MXI1: variants seen among roughly 807,000 people sequenced by gnomAD.
The protein encoded by MXI1 is MAX interactor 1, dimerization protein.
Under a neutral mutation model 36.9 loss-of-function variants are expected in MXI1, and 18 were observed. The ratio of observed to expected loss-of-function variants is 0.49; its 90% confidence interval spans 0.34 to 0.72. The LOEUF is 0.72. Ranked by LOEUF, MXI1 falls within the 30% of genes least tolerant of loss-of-function variation. The pLI, the probability that MXI1 is intolerant of heterozygous loss-of-function variation, is 0.01. For missense variants in MXI1, 304 were observed against 379.1 expected, an observed-to-expected ratio of 0.80 and a Z score of 1.64; for synonymous variants, 160 against 146.7, an observed-to-expected ratio of 1.09 and a Z score of -0.65.
At chr10:110,210,353 T>A in intron 1 of MXI1, 1 of 910,086 alleles carries the variant, frequency 1.1e-6, no homozygotes, top group Non-Finnish European at 1.3e-6. Flanking sequence ...GCCCCCCTCC[T>A]CCGGCCGGCT....
chr10:110,243,218 A>G (rs1354782381), intron 2 of MXI1, among the ~76,000 whole-genome samples: 1 of 152,120 alleles, frequency 6.6e-6, no homozygotes, highest in East Asian at 1.9e-4. Context: ...AGGATTTCTG[A>G]CTGTGCTTTT....
intron 1 of MXI1, chr10:110,226,261 GT>G (rs1232313171): frequency 6.0e-6 from 9 of 1,501,556 alleles, no homozygotes; most frequent in East Asian, 2.7e-5. Context: ...AGGCTGCCGA[GT>G]TTTTGGAGCG....
intron 3 of MXI1, among the ~76,000 whole-genome samples, chr10:110,251,010 T>TTTTTTTTTTTTTTTTTTTTTTTG (rs376734108): frequency 5.8e-4 from 32 of 54,974 alleles, no homozygotes; most frequent in African/African-American, 8.0e-4. Flanking sequence ...AAGTATTTGT[T>TTTTTTTTTTTTTTTTTTTTTTTG]AAAAAAAAAA....
chr10:110,210,166 G>A (rs1181854498), intron 1 of MXI1: 3 of 819,916 alleles, frequency 3.7e-6, no homozygotes, highest in Admixed American at 6.2e-5. Context: ...CCCCGCGCGG[G>A]GCGGGCCCGT....
intron 3 of MXI1, chr10:110,245,918 G>A (rs2134395461): frequency 6.6e-6 from 1 of 152,248 alleles, no homozygotes; most frequent in East Asian, 1.9e-4. Flanking sequence ...GGATAGTTGA[G>A]TCTTAGATGA....
rs1360894339 is a variant in MXI1 at position 110,280,040 on chromosome 10, A to AGACAG, written c.680_681insACAGG (p.Ser227ArgfsTer37). 1 of 1,600,488 alleles carries AGACAG rather than the reference A, an allele frequency of 6.2e-7. No individual in the cohort carries two copies. Among genetic ancestry groups the AGACAG allele is most frequent in the East Asian group, 2.2e-5 (1 of 44,530 alleles). On this transcript the variant is annotated frameshift_variant, in exon 5 of 6. Transcript: ENST00000332674. LOFTEE classifies it high-confidence loss of function. ...GGAGATGGAACGAATACGAATGGAC[A>AGACAG]GCATTGGATCAACTATTTCTTCAGA... is the stretch of plus-strand genomic sequence containing the variant.
chr10:110,219,260 A>G (rs1854735594), intron 1 of MXI1, among the ~76,000 whole-genome samples: 1 of 152,230 alleles, frequency 6.6e-6, no homozygotes, highest in Admixed American at 6.5e-5. Context: ...AGGTCGTGCC[A>G]CTGCACTCCA....
rs553247963 is a variant in MXI1 at position 110,217,403 on chromosome 10, T to C, written c.274+9321T>C. On this transcript the variant is annotated intron_variant, in intron 1 of 5. Transcript: ENST00000332674. The stretch of plus-strand genomic sequence containing the variant: ...AGGTGATTTGGGAGTAGGAAGGCTA[T>C]TGTATTAAAGTGGAGGACATGCCCA... Among the ~76,000 whole-genome samples the C allele has an allele frequency of 1.1e-4, 17 of 152,280 alleles. No individual in the cohort carries two copies. In the South Asian group the frequency reaches 2.5e-3, roughly 22 times the overall value.
chr10:110,272,186 C>T (rs563565410), intron 3 of MXI1, among the ~76,000 whole-genome samples: 56 of 152,102 alleles, frequency 3.7e-4, no homozygotes, highest in Non-Finnish European at 6.9e-4. Context: ...TTTTGAGTGT[C>T]AACATGACTC....
intron 1 of MXI1, among the ~76,000 whole-genome samples, chr10:110,210,785 G>A (rs1343239853): frequency 6.6e-6 from 1 of 152,228 alleles, no homozygotes; most frequent in African/African-American, 2.4e-5. Flanking sequence ...ATGCCCGCGC[G>A]TCACGGCAAT....
intron 3 of MXI1, among the ~76,000 whole-genome samples, chr10:110,277,515 T>A (rs990942211): frequency 6.6e-6 from 1 of 152,218 alleles, no homozygotes; most frequent in African/African-American, 2.4e-5. Flanking sequence ...CTAAGAAATT[T>A]TCCAGTTAAA....
intron 3 of MXI1, 118 bp downstream of exon 3, chr10:110,244,975 C>A: frequency 1.0e-6 from 1 of 980,032 alleles, no homozygotes; most frequent in South Asian, 1.8e-5. Context: ...AGATGTATAG[C>A]CCATTGTGAA....
intron 3 of MXI1, among the ~76,000 whole-genome samples, chr10:110,270,888 G>A (rs963023213): frequency 1.3e-5 from 2 of 151,966 alleles, no homozygotes; most frequent in African/African-American, 2.4e-5. Context: ...TCAGGAGTCC[G>A]AAACCACCCT....
At chr10:110,250,840 A>T (rs1350707664) in intron 3 of MXI1, among the ~76,000 whole-genome samples, 1 of 150,686 alleles carries the variant, frequency 6.6e-6, no homozygotes, top group African/African-American at 2.4e-5. Flanking sequence ...AAAAAAAAAA[A>T]AAAAAAAATA....
rs1403172697 is a variant in MXI1 at position 110,285,945 on chromosome 10, A to AT, written c.*959dup. 1 of 152,628 alleles carries AT rather than the reference A, an allele frequency of 6.6e-6. No homozygotes were observed. Among genetic ancestry groups the AT allele is most frequent in the Non-Finnish European group, 1.5e-5 (1 of 68,036 alleles). The allele number at this position is 152,628 out of a possible 1,614,324, so 9.5% of individuals were successfully genotyped here. On this transcript the variant is annotated 3_prime_UTR_variant, in exon 6 of 6. Transcript: ENST00000332674. Reference sequence around the variant, plus strand: ...AATGACATCTTTTTAAAGCTTATCCATAAAAAAAAATAGATGTCTTTTATA... The same window carrying AT: ...AATGACATCTTTTTAAAGCTTATCCATTAAAAAAAAATAGATGTCTTTTATA...
intron 2 of MXI1, among the ~76,000 whole-genome samples, chr10:110,242,812 A>G (rs886516238): frequency 6.6e-6 from 1 of 152,002 alleles, no homozygotes; most frequent in African/African-American, 2.4e-5. Context: ...TGGGATTGCC[A>G]GACTGTTTAG....
At chr10:110,266,329 C>T (rs1440667560) in intron 3 of MXI1, among the ~76,000 whole-genome samples, 4 of 152,100 alleles carry the variant, frequency 2.6e-5, no homozygotes, top group South Asian at 2.1e-4. Flanking sequence ...AGGCTAGTCT[C>T]GAACTCCTGA....
At chr10:110,214,592 G>A (rs1465527947) in intron 1 of MXI1, among the ~76,000 whole-genome samples, 1 of 151,844 alleles carries the variant, frequency 6.6e-6, no homozygotes, top group African/African-American at 2.4e-5. Flanking sequence ...CAGTCATTGT[G>A]GCTTGTTCTG....
chr10:110,227,556 A>C, intron 1 of MXI1: 1 of 950,448 alleles, frequency 1.1e-6, no homozygotes, highest in Non-Finnish European at 1.2e-6. Context: ...CTGGGAGATA[A>C]GAGGAAGGAG....
Sources: allele counts gnomAD v4.1 joint callset (sites outside exome capture counted in the v4.1 genomes callset), GRCh38; gene constraint gnomAD v4.1.1; transcripts MANE v1.5; gene names NCBI Gene and HGNC (gene_info 2026-07-23, HGNC 2026-07-21).